TMEM230: variants seen among roughly 807,000 people sequenced by gnomAD.
The protein encoded by TMEM230 is transmembrane protein 230, also known as UPF0414 transmembrane protein C20orf30.
Under a neutral mutation model 15.8 loss-of-function variants are expected in TMEM230, and 10 were observed. That is an observed-to-expected ratio of 0.63 (90% CI 0.39 to 1.07). TMEM230 has a LOEUF of 1.07. TMEM230 is among the 50% of genes least tolerant of loss of function. TMEM230 has a pLI of 0.01. For missense variants in TMEM230, 165 were observed against 193.3 expected (o/e 0.85, Z 0.87); for synonymous variants, 67 against 76.9 (o/e 0.87, Z 0.68).
chr20:5,089,981 A>G lies in TMEM230; in HGVS notation c.222+16207T>C, dbSNP rs567951925. Among the ~76,000 whole-genome samples the G allele has an allele frequency of 2.0e-5, 3 of 152,176 alleles. No homozygotes were observed. In the East Asian group the frequency reaches 5.8e-4, roughly 29 times the overall value. On this transcript the variant is annotated intron_variant, in intron 3 of 3. Coordinates refer to the TMEM230 transcript ENST00000612323. ...TTGCAGTGGGCTATCGTGCCACTGC[A>G]CTCCTCCCTGGGTGGCAGAAGACTC...
chr20:5,103,877 G>A (rs994925039), intron 4 of TMEM230, among the ~76,000 whole-genome samples: 3 of 152,090 alleles, frequency 2.0e-5, no homozygotes, highest in Non-Finnish European at 4.4e-5. Context: ...ATGCTGGACT[G>A]GGCAAAGATT....
chr20:5,075,003 G>A (rs962504395), intron 3 of TMEM230, among the ~76,000 whole-genome samples: 8 of 150,802 alleles, frequency 5.3e-5, no homozygotes, highest in African/African-American at 2.0e-4. Flanking sequence ...CAATAAAAAA[G>A]GCATACAGAA....
intron 3 of TMEM230, among the ~76,000 whole-genome samples, chr20:5,093,781 G>A (rs1484854597): frequency 6.6e-6 from 1 of 152,102 alleles, no homozygotes; most frequent in African/African-American, 2.4e-5. Context: ...CAAGTGATGT[G>A]ACTGCCTTGG....
chr20:5,059,387 A>G, the TMEM230 span, among the ~76,000 whole-genome samples: 176 of 152,236 alleles, frequency 1.2e-3, no homozygotes, highest in African/African-American at 4.1e-3. Flanking sequence ...AGTCTGTTGT[A>G]TATAGCACAT....
intron 3 of TMEM230, among the ~76,000 whole-genome samples, chr20:5,090,780 G>A (rs993499891): frequency 3.9e-5 from 6 of 152,140 alleles, no homozygotes; most frequent in African/African-American, 7.2e-5. Context: ...CTGAAAGCAC[G>A]TGTCTGCGAT....
intron 4 of TMEM230, among the ~76,000 whole-genome samples, chr20:5,102,145 G>A (rs943865378): frequency 6.6e-6 from 1 of 152,196 alleles, no homozygotes; most frequent in African/African-American, 2.4e-5. Context: ...AGGAACTATG[G>A]AAGTTTACTG....
At chr20:5,091,486 C>T (rs569478026) in intron 3 of TMEM230, among the ~76,000 whole-genome samples, 1 of 152,158 alleles carries the variant, frequency 6.6e-6, no homozygotes, top group Non-Finnish European at 1.5e-5. Flanking sequence ...GCTGGGATTA[C>T]AGGTGTGAGC....
chr20:5,069,008 G>A (rs2088738669), exon 4 of TMEM230: 2 of 593,588 alleles, frequency 3.4e-6, no homozygotes, highest in East Asian at 6.1e-5. Context: ...AGGGCAGCTG[G>A]AATTCCTTTG....
At chr20:5,097,098 T>C (rs2089685643), downstream of TMEM230, among the ~76,000 whole-genome samples, 1 of 152,148 alleles carries the variant, frequency 6.6e-6, no homozygotes, top group South Asian at 2.1e-4. Flanking sequence ...GAAAAGAACT[T>C]GGGGATAGGT....
downstream of TMEM230, chr20:5,099,805 A>G: frequency 2.2e-6 from 2 of 929,496 alleles, no homozygotes; most frequent in Non-Finnish European, 2.6e-6. Context: ...AGATCTAGGT[A>G]CTGGGATTAA....
At chr20:5,109,498 T>C (rs2090229189) in intron 2 of TMEM230, 53 bp from the exon 2 acceptor site, 1 of 1,365,954 alleles carries the variant, frequency 7.3e-7, no homozygotes, top group Non-Finnish European at 1.0e-6. Context: ...CAATGGTGCA[T>C]TATAGCCAAT....
At chr20:5,109,512 T>C in intron 2 of TMEM230, 67 bp from the exon 2 acceptor site, 1 of 1,232,818 alleles carries the variant, frequency 8.1e-7, no homozygotes, top group Non-Finnish European at 1.2e-6. Flanking sequence ...AGCCAATGAG[T>C]TCAGGATTAT....
chr20:5,106,078 AACACACACACACACACACACACAC>A (rs61087830), intron 4 of TMEM230, 86 bp downstream of exon 3: 18 of 551,086 alleles, frequency 3.3e-5, no homozygotes, highest in Middle Eastern at 9.0e-4. Context: ...GGGACGGACA[AACACACACACACACACACACACAC>A]ACACACACAC....
At chr20:5,086,876 TGTTTA>T (rs1182848445) in intron 3 of TMEM230, among the ~76,000 whole-genome samples, 2 of 151,704 alleles carry the variant, frequency 1.3e-5, no homozygotes, top group Non-Finnish European at 2.9e-5. Context: ...ATTTCTTATT[TGTTTA>T]GTTATTTTTT....
At chr20:5,096,780 TCAAA>T (rs2122689382), downstream of TMEM230, among the ~76,000 whole-genome samples, 1 of 152,292 alleles carries the variant, frequency 6.6e-6, no homozygotes, top group Non-Finnish European at 1.5e-5. Context: ...TATCCATACC[TCAAA>T]GGAACATGGT....
At chr20:5,105,943 G>A (rs894014702) in intron 4 of TMEM230, among the ~76,000 whole-genome samples, 4 of 152,060 alleles carry the variant, frequency 2.6e-5, no homozygotes, top group Non-Finnish European at 5.9e-5. Flanking sequence ...GCACACACGT[G>A]TAGTCCCAGC....
the TMEM230 span, among the ~76,000 whole-genome samples, chr20:5,059,696 A>G: frequency 6.7e-6 from 1 of 149,296 alleles, no homozygotes; most frequent in Non-Finnish European, 1.5e-5. Context: ...TGCAGCCTCA[A>G]CCCCCACTCA....
rs764786986 is a variant in TMEM230 at position 5,100,921 on chromosome 20, C to A, written c.422G>T (p.Arg141Leu). ...GCCAATGATCAGCACTGGAACGGCC[C>A]GGTCTGCCCCCTGGTGGCAGAAGGA... The change falls in exon 5 of 5, where the codon CGG (arginine) becomes CTG (leucine). Residue 141 changes from arginine to leucine, a missense_variant. By Grantham distance (102) the Arg-to-Leu change is moderately radical. Transcript: ENST00000342308. 3.1e-6 allele frequency: 5 copies of A among 1,613,958 alleles called. No homozygotes were observed. Among genetic ancestry groups the A allele is most frequent in the Non-Finnish European group, 4.2e-6 (5 of 1,179,982 alleles).
chr20:5,097,699 G>A (rs2089703872), downstream of TMEM230, among the ~76,000 whole-genome samples: 2 of 152,122 alleles, frequency 1.3e-5, no homozygotes, highest in Non-Finnish European at 2.9e-5. Flanking sequence ...GCAGTGGTGT[G>A]ATCTAGGCTC....
Sources: gnomAD v4.1 joint callset for allele counts (sites outside exome capture counted in the v4.1 genomes callset) on GRCh38, gnomAD v4.1.1 for gene constraint, MANE v1.5 for transcripts, NCBI Gene and HGNC (gene_info 2026-07-23, HGNC 2026-07-21) for gene names.